The following RAP1B variants were observed in gnomAD, a reference collection of about 807,000 sequenced individuals.
The protein encoded by RAP1B is ras-related protein Rap-1b.
RAP1B carries 1 observed loss-of-function variant against 27.5 expected under a neutral mutation model. The ratio of observed to expected loss-of-function variants is 0.04; its 90% confidence interval spans 0.01 to 0.17. The LOEUF is 0.17. Among genes scored for constraint, RAP1B ranks in the 10% least tolerant of loss-of-function variants. The pLI is 1.00. For synonymous variants in RAP1B, 75 were observed against 73.1 expected (o/e 1.03, Z -0.13); for missense variants, 84 against 214.8 (o/e 0.39, Z 3.81).
intron 1 of RAP1B, among the ~76,000 whole-genome samples, chr12:68,643,825 C>T (rs1873199707): frequency 6.6e-6 from 1 of 151,910 alleles, no homozygotes; most frequent in Non-Finnish European, 1.5e-5. Context: ...GTTTTTGTTT[C>T]ATTTGTTTTA....
intron 2 of RAP1B, 65 bp downstream of exon 2, chr12:68,648,846 G>A (rs556243519): frequency 1.4e-6 from 2 of 1,406,910 alleles, no homozygotes; most frequent in African/African-American, 1.5e-5. Context: ...TGAGTTTTAG[G>A]TTTTGATGAT....
intron 1 of RAP1B, among the ~76,000 whole-genome samples, chr12:68,613,475 C>T (rs141047618): frequency 1.6e-4 from 24 of 151,716 alleles, no homozygotes; most frequent in Non-Finnish European, 2.8e-4. Context: ...GCGTGAAAGT[C>T]ATCTCTCTTA....
At chr12:68,630,105 T>A (rs1872126683) in intron 1 of RAP1B, among the ~76,000 whole-genome samples, 1 of 152,204 alleles carries the variant, frequency 6.6e-6, no homozygotes, top group Non-Finnish European at 1.5e-5. Context: ...ACACTGCACT[T>A]AGCTACAGGT....
intron 1 of RAP1B, among the ~76,000 whole-genome samples, chr12:68,626,016 A>AG (rs1871744961): frequency 6.6e-6 from 1 of 152,188 alleles, no homozygotes; most frequent in Non-Finnish European, 1.5e-5. Context: ...ATGAAATAAA[A>AG]TATTTTTCTG....
At chr12:68,649,030 G>C in intron 2 of RAP1B, 1 of 420,600 alleles carries the variant, frequency 2.4e-6, no homozygotes, top group Non-Finnish European at 4.2e-6. Context: ...CAGAGATTGA[G>C]AGCGTACAAA....
chr12:68,627,170 C>A (rs1871856467), intron 1 of RAP1B: 1 of 1,559,484 alleles, frequency 6.4e-7, no homozygotes, highest in Non-Finnish European at 8.7e-7. Flanking sequence ...AGGCACCTCG[C>A]ATGCCTGTTT....
intron 1 of RAP1B, among the ~76,000 whole-genome samples, chr12:68,631,282 T>G (rs1330806157): frequency 1.3e-5 from 2 of 152,204 alleles, no homozygotes; most frequent in Non-Finnish European, 2.9e-5. Flanking sequence ...TGCAGTTTCT[T>G]CCATTTGGTA....
intron 1 of RAP1B, among the ~76,000 whole-genome samples, chr12:68,645,166 C>G (rs1433007733): frequency 6.6e-5 from 10 of 152,200 alleles, no homozygotes; most frequent in Non-Finnish European, 1.5e-5. Context: ...AAATCCCTAT[C>G]CTCATGGAGT....
At position 68,661,955 on chromosome 12, in the gene RAP1B, A is replaced by G. The variant is rs1342003545; in HGVS notation, c.*2706A>G. 6.7e-6 allele frequency: 1 copy of G among 150,182 alleles called. No homozygotes were observed. 9.3% of individuals were successfully genotyped at this position (150,182 alleles called of 1,614,324 possible). On this transcript the variant is annotated 3_prime_UTR_variant, in exon 8 of 8. Transcript: ENST00000250559. ...TTTCCTCATCTGTAAAATGAGAATG[A>G]TAATACCTACTTCATAGGAGAGTGA...
rs988818072 is a variant in RAP1B at position 68,662,815 on chromosome 12, G to C, written c.*3566G>C. The C allele has an allele frequency of 2.6e-5, 4 of 151,570 alleles. No individual in the cohort carries two copies. Among genetic ancestry groups the C allele is most frequent in the Non-Finnish European group, 5.9e-5 (4 of 67,944 alleles). The allele number at this position is 151,570 out of a possible 1,614,324, so 9.4% of individuals were successfully genotyped here. On this transcript the variant is annotated 3_prime_UTR_variant, in exon 8 of 8. Transcript: ENST00000250559. ...CAAATCTGACAGCCTGGGCAACATA[G>C]ACCCCATCTCTACAAAAAAAAATTT...
intron 1 of RAP1B, chr12:68,642,547 A>G (rs565059651): frequency 4.8e-6 from 5 of 1,038,314 alleles, no homozygotes; most frequent in African/African-American, 4.7e-5. Flanking sequence ...GAGGCCAATA[A>G]GGATACTTTT....
At chr12:68,652,119 T>C in intron 4 of RAP1B, 68 bp downstream of exon 4, 1 of 1,190,188 alleles carries the variant, frequency 8.4e-7, no homozygotes. Context: ...ATGCTAGTAC[T>C]CTATAGACAA....
rs1592477202 is a variant in RAP1B, at chr12:68,663,780, A to G, written c.*4531A>G. On this transcript the variant is annotated 3_prime_UTR_variant, in exon 8 of 8. Transcript: ENST00000250559. ...TCAATAAATGCATTCAGTATTCTCTACCGTGTTTCAGGCGCTGTTTACAAT... is the reference window on the plus strand; with the variant it reads ...TCAATAAATGCATTCAGTATTCTCTGCCGTGTTTCAGGCGCTGTTTACAAT... 6.6e-6 allele frequency: 1 copy of G among 152,188 alleles called. No individual in the cohort carries two copies. The highest frequency in any genetic ancestry group is 1.5e-5 in the Non-Finnish European group (1 of 68,042). 9.4% of individuals were successfully genotyped at this position (152,188 alleles called of 1,614,324 possible).
Position 68,659,601 on chromosome 12 carries a change from A to G in RAP1B, c.*352A>G, listed in dbSNP as rs1874484532. The G allele has an allele frequency of 6.1e-6, 1 of 163,698 alleles. No homozygotes were observed. 10.1% of individuals were successfully genotyped at this position (163,698 alleles called of 1,614,324 possible). On this transcript the variant is annotated 3_prime_UTR_variant, in exon 8 of 8. Coordinates refer to ENST00000250559, the MANE Select transcript of RAP1B (RefSeq NM_001010942.3). ...TGCCCCATACTTTGTATTGGAGAGT[A>G]CAATAATGTAAATCCTAAAAGCACC...
At chr12:68,629,017 G>A (rs1296537956) in intron 1 of RAP1B, among the ~76,000 whole-genome samples, 1 of 151,794 alleles carries the variant, frequency 6.6e-6, no homozygotes, top group African/African-American at 2.4e-5. Context: ...TCTTCTATCT[G>A]TCTGTCTGTC....
intron 1 of RAP1B, among the ~76,000 whole-genome samples, chr12:68,645,870 A>G (rs1873365694): frequency 6.6e-6 from 1 of 152,244 alleles, no homozygotes; most frequent in African/African-American, 2.4e-5. Flanking sequence ...TAACAGAAAT[A>G]CCCTGATAAT....
At chr12:68,625,864 G>C (rs931588602) in intron 1 of RAP1B, among the ~76,000 whole-genome samples, 2 of 151,918 alleles carry the variant, frequency 1.3e-5, no homozygotes, top group Non-Finnish European at 2.9e-5. Context: ...AGATGTTGCA[G>C]TGAGCCAAGA....
intron 1 of RAP1B, among the ~76,000 whole-genome samples, chr12:68,646,161 A>G (rs75141666): frequency 6.6e-6 from 1 of 152,322 alleles, no homozygotes; most frequent in African/African-American, 2.4e-5. Flanking sequence ...TCTTAGAAAA[A>G]TCACCTCTGA....
rs63676662 is a variant in RAP1B at position 68,662,008 on chromosome 12, C to CTATATATATATATATATA, written c.*2767_*2784dup. On this transcript the variant is annotated 3_prime_UTR_variant, in exon 8 of 8. Coordinates refer to ENST00000250559, the MANE Select transcript of RAP1B (RefSeq NM_001010942.3). Reference sequence around the variant, plus strand: ...TGAATGCCAGTGCTATCCTCTAGGTCTATATATATATATATATATATATAT... The same window carrying CTATATATATATATATATA: ...TGAATGCCAGTGCTATCCTCTAGGTCTATATATATATATATATATATATATATATATATATATATATAT... The CTATATATATATATATATA allele has an allele frequency of 8.0e-4, 107 of 133,850 alleles. No individual in the cohort carries two copies. Among genetic ancestry groups the CTATATATATATATATATA allele is most frequent in the South Asian group, 2.4e-3 (10 of 4,140 alleles). The allele number at this position is 133,850 out of a possible 1,614,324, so 8.3% of individuals were successfully genotyped here.
Sources: allele counts gnomAD v4.1 joint callset (sites outside exome capture counted in the v4.1 genomes callset), GRCh38; gene constraint gnomAD v4.1.1; transcripts MANE v1.5; gene names NCBI Gene and HGNC (gene_info 2026-07-23, HGNC 2026-07-21).